The following TAGAP variants were observed in gnomAD, a reference collection of about 807,000 sequenced individuals.
TAGAP encodes the protein T cell activation RhoGTPase activating protein.
A neutral mutation model predicts 36.0 loss-of-function variants in TAGAP; 16 were observed. That is an observed-to-expected ratio of 0.44 (90% CI 0.30 to 0.68). The LOEUF (loss-of-function observed/expected upper bound fraction) is 0.68, where lower values mean the gene tolerates loss of function less well. TAGAP is among the 30% of genes least tolerant of loss of function. The probability of loss-of-function intolerance (pLI) is 0.09; values close to 1 mark genes in which losing one functional copy is unlikely to be tolerated. For missense variants in TAGAP, 794 were observed against 921.5 expected (o/e 0.86, Z 1.79); for synonymous variants, 372 against 377.4 (o/e 0.99, Z 0.17).
chr6:159,043,748 T>TA, intron 3 of TAGAP, 93 bp from the exon 4 acceptor site: 1 of 1,326,660 alleles, frequency 7.5e-7, no homozygotes, highest in Non-Finnish European at 1.1e-6. Context: ...TTATTCATAT[T>TA]AAAAATGAAG....
rs1278344421 is a variant in TAGAP at position 159,041,341 on chromosome 6, G to T, written c.477+13C>A. 1.9e-6 allele frequency: 3 copies of T among 1,612,254 alleles called. No individual in the cohort carries two copies. The African/African-American group carries it at 4.0e-5, about 22-fold the overall frequency. On this transcript the variant is annotated intron_variant, in intron 6 of 9. Coordinates refer to ENST00000367066, the MANE Select transcript of TAGAP (RefSeq NM_054114.5). The surrounding 1 kb of genome is among the most constrained non-coding windows in gnomAD (Gnocchi z 4.1). ...CCTTGGCAGGTTATTTGGCGCAAGT[G>T]TGTTGAACTCACCTTAAAGACCACA...
chr6:159,043,808 G>A (rs1333884945), intron 3 of TAGAP, among the ~76,000 whole-genome samples, 153 bp from the exon 4 acceptor site: 1 of 152,124 alleles, frequency 6.6e-6, no homozygotes, highest in Non-Finnish European at 1.5e-5. Flanking sequence ...CAATATTAAG[G>A]TCTTGATTGT....
chr6:159,036,930 G>C lies in TAGAP; in HGVS notation c.1093C>G (p.Leu365Val). ...PEPIVSTVARLKSSLAQPDRR... is the reference protein window; with the variant it reads ...PEPIVSTVARVKSSLAQPDRR... ...TCGGGCTGTGCGAGGGAGCTTTTCA[G>C]CCTGGCCACGGTGCTCACAATGGGC... Residue 365 changes from leucine to valine, a missense_variant, in exon 10 of 10, where the codon CTG becomes GTG. By Grantham distance (32) the Leu-to-Val change is conservative. Transcript: ENST00000367066. This position sits in a 1 kb window ranked among gnomAD's most constrained non-coding sequence, Gnocchi z 4.9. 4 of 1,613,728 alleles carry C rather than the reference G, an allele frequency of 2.5e-6. No individual in the cohort carries two copies. The highest frequency in any genetic ancestry group is 3.4e-6 in the Non-Finnish European group (4 of 1,179,668).
At chr6:159,040,057 G>C (rs1464587917) in intron 7 of TAGAP, among the ~76,000 whole-genome samples, 1 of 152,086 alleles carries the variant, frequency 6.6e-6, no homozygotes, top group African/African-American at 2.4e-5. Flanking sequence ...TAGCCATGTG[G>C]GACAATTATA....
chr6:159,035,860 G>C lies in TAGAP; in HGVS notation c.2163C>G (p.Asp721Glu). Residue 721 changes from aspartate to glutamate, a missense_variant, in exon 10 of 10, where the codon GAC (aspartate) becomes GAG (glutamate). Coordinates refer to ENST00000367066, the MANE Select transcript of TAGAP (RefSeq NM_054114.5). The stretch of plus-strand genomic sequence containing the variant: ...ACGATTCTTTGGCATATTGGAATTG[G>C]TCAGCCTCAAAGACCGGCTGGCTAC... The part of the protein sequence containing the change: ...RRCSQPVFEA[D>E]QFQYAKESYI 6.2e-7 allele frequency: 1 copy of C among 1,606,376 alleles called. No individual in the cohort carries two copies. Among genetic ancestry groups the C allele is most frequent in the Non-Finnish European group, 8.5e-7 (1 of 1,173,626 alleles).
At chr6:159,044,415 C>T (rs1390506351) in intron 1 of TAGAP, among the ~76,000 whole-genome samples, 1 of 152,194 alleles carries the variant, frequency 6.6e-6, no homozygotes, top group African/African-American at 2.4e-5. Context: ...TTGTTAAGAG[C>T]AGCATCTGAA....
chr6:159,044,915 G>A lies in TAGAP; in HGVS notation c.-95C>T, dbSNP rs576247183. On this transcript the variant is annotated 5_prime_UTR_variant, in exon 1 of 10. Coordinates refer to ENST00000367066, the MANE Select transcript of TAGAP (RefSeq NM_054114.5). Reference sequence around the variant, plus strand: ...CTCTAGCCAGAGTTCTTTTACATCCGGTGAGCTGTAAAGAATGGGAGAAAC... The same window carrying A: ...CTCTAGCCAGAGTTCTTTTACATCCAGTGAGCTGTAAAGAATGGGAGAAAC... 2.3e-5 allele frequency: 9 copies of A among 398,584 alleles called. No individual in the cohort carries two copies. Among genetic ancestry groups the A allele is most frequent in the Admixed American group, 4.4e-5 (1 of 22,714 alleles). 24.7% of individuals were successfully genotyped at this position (398,584 alleles called of 1,614,324 possible). A position where few individuals can be genotyped will look rare whatever the true frequency, so the allele number is the denominator to read the frequency against.
chr6:159,035,982 CCA>C lies in TAGAP; in HGVS notation c.2039_2040del (p.Leu680ArgfsTer10). 13 of 1,614,092 alleles carry C rather than the reference CCA, an allele frequency of 8.1e-6. No homozygotes were observed. Among genetic ancestry groups the C allele is most frequent in the Non-Finnish European group, 1.1e-5 (13 of 1,179,952 alleles). On this transcript the variant is annotated frameshift_variant, in exon 10 of 10. Coordinates refer to ENST00000367066, the MANE Select transcript of TAGAP (RefSeq NM_054114.5). LOFTEE classifies it low-confidence loss of function (END_TRUNC). Reference protein sequence around the residue: ...SRTVHASGDSLGHVSGPGRPE... With the variant: ...SRTVHASGDSXGHVSGPGRPE... Reference sequence around the variant, plus strand: ...GGTCTCCCTGGGCCAGACACGTGCCCCAGAGAGTCCCCAGAAGCATGGACAGT... The same window carrying C: ...GGTCTCCCTGGGCCAGACACGTGCCCGAGAGTCCCCAGAAGCATGGACAGT...
intron 4 of TAGAP, 119 bp from the exon 5 acceptor site, chr6:159,042,363 G>C (rs1779787267): frequency 2.7e-6 from 4 of 1,463,054 alleles, no homozygotes; most frequent in Non-Finnish European, 3.6e-6. Flanking sequence ...TGCGATGTGA[G>C]AAAAATAATT....
At position 159,035,566 on chromosome 6, in the gene TAGAP, G is replaced by T; in HGVS notation, c.*261C>A. On this transcript the variant is annotated 3_prime_UTR_variant, in exon 10 of 10. Coordinates refer to ENST00000367066, the MANE Select transcript of TAGAP (RefSeq NM_054114.5). ...ACTTCACTGCAAGTTCAAAACGTGTGCAGGGATTATTAGACATCCTTTGCA... is the reference window on the plus strand; with the variant it reads ...ACTTCACTGCAAGTTCAAAACGTGTTCAGGGATTATTAGACATCCTTTGCA... The T allele has an allele frequency of 2.9e-6, 1 of 339,508 alleles. No individual in the cohort carries two copies. 21.0% of individuals were successfully genotyped at this position (339,508 alleles called of 1,614,324 possible).
At chr6:159,044,727 C>A (rs535782373) in intron 1 of TAGAP, among the ~76,000 whole-genome samples, 152 bp downstream of exon 1, 5 of 152,070 alleles carry the variant, frequency 3.3e-5, no homozygotes, top group African/African-American at 9.7e-5. Flanking sequence ...AAAGGTGCAG[C>A]CTTCACGTTG....
rs1347534658 is a variant in TAGAP, at chr6:159,043,648, A to T, written c.89T>A (p.Ile30Asn). Residue 30 changes from isoleucine to asparagine, a missense_variant, in exon 4 of 10, where the codon ATC becomes AAC. Coordinates refer to ENST00000367066, the MANE Select transcript of TAGAP (RefSeq NM_054114.5). Reference protein sequence around the residue: ...TLIECQSEGDIKEHPLLASCE... With the variant: ...TLIECQSEGDNKEHPLLASCE... Reference sequence around the variant, plus strand: ...TGATGCCAACAGGGGATGTTCCTTGATATCACCCTAAAAACATTTTTATTT... The same window carrying T: ...TGATGCCAACAGGGGATGTTCCTTGTTATCACCCTAAAAACATTTTTATTT... The T allele has an allele frequency of 6.2e-7, 1 of 1,614,030 alleles. No individual in the cohort carries two copies. Among genetic ancestry groups the T allele is most frequent in the Non-Finnish European group, 8.5e-7 (1 of 1,179,928 alleles).
intron 8 of TAGAP, chr6:159,038,895 C>T: frequency 7.1e-7 from 1 of 1,406,852 alleles, no homozygotes; most frequent in East Asian, 2.6e-5. Context: ...ACTCGCAGCA[C>T]TCATCTGTCT....
Position 159,041,260 on chromosome 6 carries a change from G to A in TAGAP, c.477+94C>T. On this transcript the variant is annotated intron_variant, in intron 6 of 9. Coordinates refer to ENST00000367066, the MANE Select transcript of TAGAP (RefSeq NM_054114.5). The surrounding 1 kb of genome is among the most constrained non-coding windows in gnomAD (Gnocchi z 4.1). Reference sequence around the variant, plus strand: ...TTAAACTCCAAGATCAGTGTACCTTGCTGTGTGGGGAGAAGAGCCTATTTC... The same window carrying A: ...TTAAACTCCAAGATCAGTGTACCTTACTGTGTGGGGAGAAGAGCCTATTTC... 6.8e-7 allele frequency: 1 copy of A among 1,467,812 alleles called. No individual in the cohort carries two copies. The highest frequency in any genetic ancestry group is 9.3e-7 in the Non-Finnish European group (1 of 1,076,722). The allele number at this position is 1,467,812 out of a possible 1,614,324, so 90.9% of individuals were successfully genotyped here.
Position 159,041,641 on chromosome 6 carries a change from A to G in TAGAP, c.316-126T>C. ...CCAGTTGCTGTCAATGGCCTTCCTC[A>G]ACCCTGCTATTTTTCTAAGAGGAGG... On this transcript the variant is annotated intron_variant, in intron 5 of 9. Transcript: ENST00000367066. This position sits in a 1 kb window ranked among gnomAD's most constrained non-coding sequence, Gnocchi z 4.1. 1 of 1,106,102 alleles carries G rather than the reference A, an allele frequency of 9.0e-7. No homozygotes were observed. Among genetic ancestry groups the G allele is most frequent in the Non-Finnish European group, 1.2e-6 (1 of 807,980 alleles). The allele number at this position is 1,106,102 out of a possible 1,614,324, so 68.5% of individuals were successfully genotyped here.
Position 159,037,212 on chromosome 6 carries a change from G to T in TAGAP, c.899-88C>A, listed in dbSNP as rs1583770931. On this transcript the variant is annotated intron_variant, in intron 9 of 9. Coordinates refer to ENST00000367066, the MANE Select transcript of TAGAP (RefSeq NM_054114.5). The surrounding 1 kb of genome is among the most constrained non-coding windows in gnomAD (Gnocchi z 5.1). ...TGTATTTTTTATTTTCATTTTTTGAGATGGAGTCTCGGTTTGTTGCCCAGG... is the reference window on the plus strand; with the variant it reads ...TGTATTTTTTATTTTCATTTTTTGATATGGAGTCTCGGTTTGTTGCCCAGG... 8.2e-7 allele frequency: 1 copy of T among 1,223,334 alleles called. No homozygotes were observed. The highest frequency in any genetic ancestry group is 1.1e-6 in the Non-Finnish European group (1 of 931,678). 75.8% of individuals were successfully genotyped at this position (1,223,334 alleles called of 1,614,324 possible).
rs368097074 is a variant in TAGAP, at chr6:159,040,703, C to T, written c.587+20G>A. Reference sequence around the variant, plus strand: ...GGAGGTGATGTGGCCTGGCAATGACCGATGACTTTGATGACTTACTGTTTC... The same window carrying T: ...GGAGGTGATGTGGCCTGGCAATGACTGATGACTTTGATGACTTACTGTTTC... On this transcript the variant is annotated intron_variant, in intron 7 of 9. Transcript: ENST00000367066. 2.6e-5 allele frequency: 41 copies of T among 1,600,974 alleles called. No individual in the cohort carries two copies. Among genetic ancestry groups the T allele is most frequent in the South Asian group, 4.4e-5 (4 of 90,688 alleles).
intron 7 of TAGAP, among the ~76,000 whole-genome samples, 169 bp downstream of exon 7, chr6:159,040,554 G>T (rs1273084168): frequency 6.6e-6 from 1 of 152,182 alleles, no homozygotes; most frequent in East Asian, 1.9e-4. Flanking sequence ...CAAAAGTCCA[G>T]GGCACCCTCT....
At position 159,039,216 on chromosome 6, in the gene TAGAP, C is replaced by T. The variant is rs34240358; in HGVS notation, c.681G>A (p.Arg227=). 5.3e-5 allele frequency: 86 copies of T among 1,614,178 alleles called. No homozygotes were observed. In the African/African-American group the frequency reaches 1.1e-3, roughly 20 times the overall value. ...HLISKNSEVN[R]MDSSNLAICI... is the part of the protein sequence containing the mutation. ...AGATGGCCAGATTGCTGGAGTCCAT[C>T]CTGTTCACCTCAGAGTTCTTGCTGA... Residue 227 remains arginine (R), a synonymous_variant, in exon 8 of 10, where the codon AGG becomes AGA. Coordinates refer to ENST00000367066, the MANE Select transcript of TAGAP (RefSeq NM_054114.5).
Sources: gnomAD v4.1 joint callset for allele counts (sites outside exome capture counted in the v4.1 genomes callset) on GRCh38, gnomAD v4.1.1 for gene constraint, Gnocchi (gnomAD v3.1) non-coding constraint, MANE v1.5 for transcripts, NCBI Gene and HGNC (gene_info 2026-07-23, HGNC 2026-07-21) for gene names.